The following NCAPG2 variants were observed in gnomAD, a reference collection of about 807,000 sequenced individuals.
NCAPG2 encodes the protein condensin-2 complex subunit G2.
In NCAPG2, 53 loss-of-function variants were observed where a neutral mutation model predicts 141.1. The observed-to-expected ratio is 0.38, with a 90% confidence interval of 0.30 to 0.47. The LOEUF is 0.47. NCAPG2 is among the 20% of genes least tolerant of loss of function. NCAPG2 has a pLI of 0.99. For missense variants in NCAPG2, 1,087 were observed against 1,389.0 expected (o/e 0.78, Z 3.46); for synonymous variants, 499 against 490.7 (o/e 1.02, Z -0.22).
chr7:158,646,787 G>A (rs1219733459), intron 24 of NCAPG2, among the ~76,000 whole-genome samples: 1 of 152,186 alleles, frequency 6.6e-6, no homozygotes, highest in African/African-American at 2.4e-5. Context: ...CAGCGCTCTG[G>A]GAGGCTGAGG....
chr7:158,658,197 C>G (rs1832168247), intron 17 of NCAPG2, 141 bp downstream of exon 17: 1 of 567,936 alleles, frequency 1.8e-6, no homozygotes, highest in Non-Finnish European at 2.8e-6. Flanking sequence ...TTCCCTACCA[C>G]AGGGAGAGGG....
intron 13 of NCAPG2, among the ~76,000 whole-genome samples, chr7:158,669,900 C>A (rs1225466270): frequency 1.3e-5 from 2 of 151,914 alleles, no homozygotes; most frequent in Non-Finnish European, 2.9e-5. Flanking sequence ...CTCAGCTTCC[C>A]AAAGTGCTGG....
At chr7:158,653,913 G>T (rs543710603) in intron 22 of NCAPG2, among the ~76,000 whole-genome samples, 64 of 152,206 alleles carry the variant, frequency 4.2e-4, no homozygotes, top group Admixed American at 1.6e-3. Context: ...AAGCGGCTGA[G>T]GGGGAGGCTG....
chr7:158,703,863 G>A (rs1417940529), intron 1 of NCAPG2, among the ~76,000 whole-genome samples: 1 of 152,236 alleles, frequency 6.6e-6, no homozygotes, highest in African/African-American at 2.4e-5. Flanking sequence ...CAATGCCCAC[G>A]TCCACAGCTG....
At chr7:158,672,276 A>C (rs1402455075) in intron 12 of NCAPG2, among the ~76,000 whole-genome samples, 1 of 17,210 alleles carries the variant, frequency 5.8e-5, no homozygotes, top group Non-Finnish European at 9.7e-5. Context: ...TATTCCAAAC[A>C]CATGTGTGTG....
rs564671206 is a variant in NCAPG2 at position 158,669,456 on chromosome 7, T to C, written c.1479+2058A>G. Among the ~76,000 whole-genome samples the C allele has an allele frequency of 1.4e-4, 21 of 152,228 alleles. No individual in the cohort carries two copies. The South Asian group carries it at 4.4e-3, about 32-fold the overall frequency. The stretch of plus-strand genomic sequence containing the variant: ...AAAATGCCATCAAAATTGCAGCCAG[T>C]ATTTTTATTGAAATTGACATGCTTG... On this transcript the variant is annotated intron_variant, in intron 13 of 27. Coordinates refer to ENST00000356309, the MANE Select transcript of NCAPG2 (RefSeq NM_017760.7).
intron 11 of NCAPG2, among the ~76,000 whole-genome samples, chr7:158,676,036 C>T (rs1406482590): frequency 6.6e-6 from 1 of 152,160 alleles, no homozygotes; most frequent in East Asian, 1.9e-4. Flanking sequence ...TAAAATAATT[C>T]TACTTGTAAT....
At chr7:158,668,245 CTT>C in intron 13 of NCAPG2, 1 of 323,178 alleles carries the variant, frequency 3.1e-6, no homozygotes, top group African/African-American at 4.1e-5. Flanking sequence ...CTCTGCCCTC[CTT>C]ACCCACTACT....
chr7:158,666,908 C>T (rs1832998119), intron 13 of NCAPG2, among the ~76,000 whole-genome samples: 1 of 152,170 alleles, frequency 6.6e-6, no homozygotes, highest in Non-Finnish European at 1.5e-5. Flanking sequence ...CTCAATCCTT[C>T]TAGAGCTGCA....
In NCAPG2 at chr7:158,664,610, A is replaced by G. The variant is rs2129460425; in HGVS notation, c.1620T>C (p.Cys540=). 1 of 1,614,200 alleles carries G rather than the reference A, an allele frequency of 6.2e-7. No individual in the cohort carries two copies. The highest frequency in any genetic ancestry group is 8.5e-7 in the Non-Finnish European group (1 of 1,180,034). ...CGTGGTTCATCTGCACCAGGGTGAC[A>G]CAGCGCTCGCACCAGACCTCCTCCG... ...NQPEEVWCER[C]VTLVQMNHAA... Residue 540 remains cysteine, a synonymous_variant, in exon 14 of 28, where the codon TGT becomes TGC. Coordinates refer to ENST00000356309, the MANE Select transcript of NCAPG2 (RefSeq NM_017760.7).
intron 27 of NCAPG2, among the ~76,000 whole-genome samples, chr7:158,636,681 C>A (rs1830223323): frequency 6.6e-6 from 1 of 152,128 alleles, no homozygotes; most frequent in Non-Finnish European, 1.5e-5. Context: ...GGATTACAGG[C>A]ATAAGCCACT....
chr7:158,664,152 CT>C (rs1832736010), intron 15 of NCAPG2, 31 bp downstream of exon 15: 15 of 1,514,688 alleles, frequency 9.9e-6, no homozygotes, highest in Middle Eastern at 1.7e-4. Flanking sequence ...CACTGAGGCA[CT>C]ATCTGCCCGG....
In NCAPG2 at chr7:158,655,390, G is replaced by T. The variant is rs747940742; in HGVS notation, c.2454C>A (p.Ala818=). The T allele has an allele frequency of 6.2e-7, 1 of 1,614,130 alleles. No individual in the cohort carries two copies. The highest frequency in any genetic ancestry group is 1.7e-5 in the Admixed American group (1 of 60,018). ...GACAGTGGAGACCAAAGGCTCGCGGGGCAGCTGCTTCACTGAAGCCACGAG... is the reference window on the plus strand; with the variant it reads ...GACAGTGGAGACCAAAGGCTCGCGGTGCAGCTGCTTCACTGAAGCCACGAG... ...GKPRGFSEAA[A]PRAFGLHCRL... is the part of the protein sequence containing the mutation. The change falls in exon 20 of 28, where the codon GCC becomes GCA. Residue 818 remains alanine (A), a synonymous_variant. Coordinates refer to ENST00000356309, the MANE Select transcript of NCAPG2 (RefSeq NM_017760.7).
Position 158,655,020 on chromosome 7 carries a change from A to G in NCAPG2, c.2646+98T>C. 3.6e-6 allele frequency: 5 copies of G among 1,404,958 alleles called. No homozygotes were observed. In the South Asian group the frequency reaches 7.1e-5, roughly 20 times the overall value. 87.0% of individuals were successfully genotyped at this position (1,404,958 alleles called of 1,614,324 possible). A position where few individuals can be genotyped will look rare whatever the true frequency, so the allele number is the denominator to read the frequency against. On this transcript the variant is annotated intron_variant, in intron 21 of 27. Transcript: ENST00000356309. ...GTCCCTGTAAGTTTTTAAGAATAACACTAATGTCTAAAATTACCACTCTAA... is the reference window on the plus strand; with the variant it reads ...GTCCCTGTAAGTTTTTAAGAATAACGCTAATGTCTAAAATTACCACTCTAA...
In NCAPG2 at chr7:158,662,213, T is replaced by G. The variant is rs1317076648; in HGVS notation, c.1970A>C (p.Glu657Ala). 6.2e-7 allele frequency: 1 copy of G among 1,607,908 alleles called. No individual in the cohort carries two copies. Among genetic ancestry groups the G allele is most frequent in the Admixed American group, 1.7e-5 (1 of 59,096 alleles). Residue 657 changes from glutamate to alanine, a missense_variant, in exon 16 of 28, where the codon GAG becomes GCG. Transcript: ENST00000356309. ...TINKFASVLP[E>A]YLKVFKDDRC... ...ACTTACCTTAAATACTTTCAGATAC[T>G]CTGGAAGCACAGAGGCAAACTTGTT...
intron 11 of NCAPG2, among the ~76,000 whole-genome samples, chr7:158,678,076 C>T (rs559133714): frequency 1.3e-5 from 2 of 149,648 alleles, no homozygotes; most frequent in East Asian, 2.0e-4. Context: ...GGATTACAGG[C>T]GTGAACCACT....
chr7:158,652,776 G>A (rs1449443839), intron 22 of NCAPG2, among the ~76,000 whole-genome samples: 1 of 152,200 alleles, frequency 6.6e-6, no homozygotes, highest in Non-Finnish European at 1.5e-5. Flanking sequence ...TGAACATACA[G>A]AAGTTCAGCA....
chr7:158,664,734 G>A lies in NCAPG2; in HGVS notation c.1496C>T (p.Pro499Leu). 1 of 1,613,874 alleles carries A rather than the reference G, an allele frequency of 6.2e-7. No homozygotes were observed. ...CAGACGAACCAGAATGTGCTCCATG[G>A]GACATATTTTCCAAAACTGTGCAAA... ...VRAAKFWKIC[P>L]MEHILVRLET... The change falls in exon 14 of 28, where the codon CCC becomes CTC. Residue 499 changes from proline (P) to leucine (L), a missense_variant. Transcript: ENST00000356309.
chr7:158,642,040 CAAT>C (rs1830684972), intron 27 of NCAPG2, among the ~76,000 whole-genome samples: 2 of 152,066 alleles, frequency 1.3e-5, no homozygotes, highest in Admixed American at 1.3e-4. Flanking sequence ...AGAAACAATA[CAAT>C]GTCTGCTCTC....
Sources: allele counts gnomAD v4.1 joint callset (sites outside exome capture counted in the v4.1 genomes callset), GRCh38; gene constraint gnomAD v4.1.1; transcripts MANE v1.5; gene names NCBI Gene and HGNC (gene_info 2026-07-23, HGNC 2026-07-21).